The following FBXO4 variants were observed in gnomAD, a reference collection of about 807,000 sequenced individuals.
The protein encoded by FBXO4 is F-box protein 4.
A neutral mutation model predicts 43.7 loss-of-function variants in FBXO4; 36 were observed. The observed-to-expected ratio is 0.82, with a 90% CI of 0.63 to 1.09. The LOEUF (loss-of-function observed/expected upper bound fraction) is 1.09. Among genes scored for constraint, FBXO4 ranks in the 50% least tolerant of loss-of-function variants. FBXO4 has a pLI of 0.00. For missense variants in FBXO4, 435 were observed against 474.1 expected (o/e 0.92, Z 0.77); for synonymous variants, 180 against 165.6 (o/e 1.09, Z -0.67).
chr5:41,962,467 C>T, the FBXO4 span, among the ~76,000 whole-genome samples: 1 of 152,202 alleles, frequency 6.6e-6, no homozygotes, highest in Non-Finnish European at 1.5e-5. Context: ...TCCCCCTACA[C>T]TTGCATCTCA....
At chr5:41,997,350 C>G in the FBXO4 span, among the ~76,000 whole-genome samples, 2 of 152,184 alleles carry the variant, frequency 1.3e-5, no homozygotes, top group Non-Finnish European at 2.9e-5. Context: ...ATCCCTGTGC[C>G]TTTCAAGTTC....
the FBXO4 span, among the ~76,000 whole-genome samples, chr5:41,990,172 C>T: frequency 6.6e-6 from 1 of 152,200 alleles, no homozygotes; most frequent in African/African-American, 2.4e-5. Context: ...TCTTTTGACT[C>T]ATTCAATGAT....
At chr5:42,016,393 G>A in the FBXO4 span, among the ~76,000 whole-genome samples, 2 of 151,158 alleles carry the variant, frequency 1.3e-5, no homozygotes, top group African/African-American at 4.9e-5. Context: ...GTTATTATAT[G>A]ATGACATGAT....
At chr5:41,982,400 T>C in the FBXO4 span, among the ~76,000 whole-genome samples, 10 of 152,248 alleles carry the variant, frequency 6.6e-5, no homozygotes, top group South Asian at 1.9e-3. Flanking sequence ...TCCACATCCT[T>C]TCCAGCTCCT....
chr5:42,030,120 T>C, the FBXO4 span, among the ~76,000 whole-genome samples: 2 of 152,164 alleles, frequency 1.3e-5, no homozygotes, highest in East Asian at 1.9e-4. Context: ...AAAGTTCATA[T>C]GGAACCAAAA....
chr5:41,940,599 CA>C (rs1187205163), intron 6 of FBXO4, among the ~76,000 whole-genome samples: 1 of 152,142 alleles, frequency 6.6e-6, no homozygotes, highest in Non-Finnish European at 1.5e-5. Context: ...TTTCTTCAAA[CA>C]AAACCTGACA....
the FBXO4 span, among the ~76,000 whole-genome samples, chr5:41,952,920 C>A: frequency 6.6e-6 from 1 of 151,712 alleles, no homozygotes; most frequent in Non-Finnish European, 1.5e-5. Flanking sequence ...TCTCATTAAT[C>A]ATTCTTTCAA....
the FBXO4 span, among the ~76,000 whole-genome samples, chr5:42,020,604 A>G: frequency 6.6e-6 from 1 of 152,206 alleles, no homozygotes; most frequent in Admixed American, 6.6e-5. Context: ...TAACGCCAGC[A>G]AGGAACGAGG....
chr5:42,013,703 T>C, the FBXO4 span, among the ~76,000 whole-genome samples: 1 of 152,194 alleles, frequency 6.6e-6, no homozygotes, highest in Non-Finnish European at 1.5e-5. Context: ...TTTTATGAGC[T>C]TGTGTTCATT....
chr5:41,932,499 CA>C (rs1751718404), intron 3 of FBXO4, among the ~76,000 whole-genome samples: 1 of 152,062 alleles, frequency 6.6e-6, no homozygotes, highest in South Asian at 2.1e-4. Context: ...CTTATTTAAA[CA>C]AATAAATTAG....
At chr5:42,036,996 C>T in the FBXO4 span, among the ~76,000 whole-genome samples, 3 of 152,002 alleles carry the variant, frequency 2.0e-5, no homozygotes, top group African/African-American at 7.2e-5. Context: ...AGAAGCTCCA[C>T]CCAAATTTCT....
At chr5:41,940,156 G>GT (rs985892826) in intron 6 of FBXO4, among the ~76,000 whole-genome samples, 6 of 149,006 alleles carry the variant, frequency 4.0e-5, no homozygotes, top group South Asian at 4.3e-4. Context: ...CAGCCAGGTT[G>GT]TTTTTTTTTA....
At chr5:41,970,252 A>C in the FBXO4 span, among the ~76,000 whole-genome samples, 1 of 152,072 alleles carries the variant, frequency 6.6e-6, no homozygotes, top group Admixed American at 6.5e-5. Flanking sequence ...TAAACCTAAA[A>C]TGGAAATGCT....
chr5:42,009,261 T>G, the FBXO4 span, among the ~76,000 whole-genome samples: 1 of 152,124 alleles, frequency 6.6e-6, no homozygotes, highest in Admixed American at 6.6e-5. Flanking sequence ...TCTGACAAAG[T>G]CAGGCCAATT....
chr5:42,024,654 T>C, the FBXO4 span, among the ~76,000 whole-genome samples: 1 of 152,156 alleles, frequency 6.6e-6, no homozygotes, highest in East Asian at 1.9e-4. Context: ...ATTCATTCTT[T>C]ATAAATATTT....
At chr5:41,982,173 A>G in the FBXO4 span, among the ~76,000 whole-genome samples, 1 of 152,084 alleles carries the variant, frequency 6.6e-6, no homozygotes, top group East Asian at 1.9e-4. Flanking sequence ...GGTTGGTTCC[A>G]AGTCTTTGCT....
chr5:41,985,616 T>C, the FBXO4 span, among the ~76,000 whole-genome samples: 16 of 152,258 alleles, frequency 1.1e-4, 1 homozygote, highest in Admixed American at 1.0e-3. Context: ...AGAGGTGAAG[T>C]GTGCTTTTAA....
the FBXO4 span, among the ~76,000 whole-genome samples, chr5:42,008,894 G>A: frequency 6.6e-6 from 1 of 152,078 alleles, no homozygotes; most frequent in African/African-American, 2.4e-5. Context: ...GGCCAGGCAA[G>A]GGGTTTCATT....
At chr5:41,954,716 C>A in the FBXO4 span, among the ~76,000 whole-genome samples, 1 of 152,102 alleles carries the variant, frequency 6.6e-6, no homozygotes, top group African/African-American at 2.4e-5. Context: ...TTATTTAAAT[C>A]TCTTCATAAT....
Sources: allele counts gnomAD v4.1 joint callset (sites outside exome capture counted in the v4.1 genomes callset), GRCh38; gene constraint gnomAD v4.1.1; transcripts MANE v1.5; gene names NCBI Gene and HGNC (gene_info 2026-07-23, HGNC 2026-07-21).